DENND4A: variants seen among roughly 807,000 people sequenced by gnomAD.
DENND4A encodes DENN domain containing 4A, also known as C-myc promoter-binding protein.
A neutral mutation model predicts 199.3 loss-of-function variants in DENND4A; 70 were observed. The observed-to-expected ratio is 0.35, with a 90% confidence interval of 0.29 to 0.43. The LOEUF is 0.43. Ranked by LOEUF, DENND4A falls within the 20% of genes least tolerant of loss-of-function variation. The pLI is 1.00. For synonymous variants in DENND4A, 686 were observed against 766.9 expected, an observed-to-expected ratio of 0.89 and a Z score of 1.74; for missense variants, 1,723 against 2,255.8, an observed-to-expected ratio of 0.76 and a Z score of 4.78.
At chr15:65,718,047 T>C in intron 12 of DENND4A, 51 bp from the exon 13 acceptor site, 3 of 1,293,766 alleles carry the variant, frequency 2.3e-6, no homozygotes, top group Non-Finnish European at 3.2e-6. Flanking sequence ...AAAACACTCA[T>C]GATGGTACCA....
rs547739493 is a variant in DENND4A at position 65,695,718 on chromosome 15, T to A, written c.3082+648A>T. ...TTAACACTAAAAACTCCAAATCTTA[T>A]GTCTATTTAATCCCCTAAAAATGGT... On this transcript the variant is annotated intron_variant, in intron 22 of 32. Transcript: ENST00000443035. Among the ~76,000 whole-genome samples, 33 of 152,284 alleles carry A rather than the reference T, an allele frequency of 2.2e-4. No homozygotes were observed. The South Asian group carries it at 6.6e-3, about 31-fold the overall frequency.
intron 1 of DENND4A, among the ~76,000 whole-genome samples, chr15:65,788,812 G>A (rs894526591): frequency 4.3e-5 from 6 of 141,042 alleles, no homozygotes; most frequent in African/African-American, 8.0e-5. Flanking sequence ...CTAAGATCAC[G>A]CCACTGCACC....
chr15:65,741,745 C>T lies in DENND4A; in HGVS notation c.601G>A (p.Ala201Thr). ...TTGTAAGATACAGTGTTCGTCTTTG[C>T]CACCGATTTTTTATAACACAAGTAT... ...AVYLCYKKSVAKTNTVSYKAG... is the reference protein window; with the variant it reads ...AVYLCYKKSVTKTNTVSYKAG... The change falls in exon 5 of 33, where the codon GCA becomes ACA. Residue 201 changes from alanine to threonine, a missense_variant. By Grantham distance (58) the Ala-to-Thr change is moderately conservative (BLOSUM62 0). Coordinates refer to ENST00000443035, the MANE Select transcript of DENND4A (RefSeq NM_001320835.1). The T allele has an allele frequency of 6.2e-7, 1 of 1,612,766 alleles. No homozygotes were observed. The highest frequency in any genetic ancestry group is 8.5e-7 in the Non-Finnish European group (1 of 1,179,428).
intron 23 of DENND4A, among the ~76,000 whole-genome samples, chr15:65,685,530 T>A (rs2076746335): frequency 6.6e-6 from 1 of 152,232 alleles, no homozygotes; most frequent in South Asian, 2.1e-4. Flanking sequence ...TCCCTCAGTA[T>A]CCACAGGGGG....
chr15:65,750,899 T>C (rs944649035), intron 4 of DENND4A, among the ~76,000 whole-genome samples: 11 of 152,142 alleles, frequency 7.2e-5, no homozygotes, highest in Non-Finnish European at 1.5e-5. Context: ...CTCTTGTCTA[T>C]GCAAAGAATA....
chr15:65,700,819 C>T, intron 19 of DENND4A, 144 bp from the exon 20 acceptor site: 2 of 978,680 alleles, frequency 2.0e-6, no homozygotes, highest in Non-Finnish European at 2.9e-6. Context: ...ACAAAGAAAC[C>T]TATTGTGAGT....
intron 23 of DENND4A, among the ~76,000 whole-genome samples, chr15:65,680,236 T>C (rs2076525859): frequency 6.6e-6 from 1 of 152,252 alleles, no homozygotes; most frequent in Non-Finnish European, 1.5e-5. Context: ...TATGACTACT[T>C]TGGAGGCTAT....
At position 65,707,673 on chromosome 15, in the gene DENND4A, T is replaced by C. The variant is rs917380190; in HGVS notation, c.1954-1449A>G. Among the ~76,000 whole-genome samples, 6 of 151,720 alleles carry C rather than the reference T, an allele frequency of 4.0e-5. No individual in the cohort carries two copies. The South Asian group carries it at 8.3e-4, about 21-fold the overall frequency. The stretch of plus-strand genomic sequence containing the variant: ...ATGAGAAAAGAATCAGACTACTAAA[T>C]CGTATACATATTATGATTTTTTTTT... On this transcript the variant is annotated intron_variant, in intron 14 of 32. Coordinates refer to ENST00000443035, the MANE Select transcript of DENND4A (RefSeq NM_001320835.1).
chr15:65,729,290 C>G (rs543471548), intron 10 of DENND4A, 43 bp from the exon 11 acceptor site: 5 of 1,541,556 alleles, frequency 3.2e-6, no homozygotes, highest in Non-Finnish European at 4.4e-6. Context: ...CTTTTTAACA[C>G]TGAAGCATAA....
chr15:65,664,275 T>A (rs2075967486), intron 32 of DENND4A, 55 bp downstream of exon 32: 1 of 998,020 alleles, frequency 1.0e-6, no homozygotes. Flanking sequence ...AAAAATACTT[T>A]GAAAACTATT....
intron 11 of DENND4A, among the ~76,000 whole-genome samples, chr15:65,728,487 C>CT (rs201253758): frequency 0.063 from 8,697 of 138,452 alleles, 493 homozygotes; most frequent in African/African-American, 0.15. Flanking sequence ...TTTTCTTTTT[C>CT]TTTTTTTTTT....
intron 1 of DENND4A, 75 bp downstream of exon 1, chr15:65,791,935 C>A (rs905713489): frequency 1.3e-5 from 2 of 151,934 alleles, no homozygotes; most frequent in South Asian, 4.1e-4. Flanking sequence ...CGCTCCCGCG[C>A]CCCCGGCTGT....
chr15:65,781,687 G>C (rs560021213), intron 1 of DENND4A, among the ~76,000 whole-genome samples: 17 of 152,294 alleles, frequency 1.1e-4, no homozygotes, highest in African/African-American at 3.8e-4. Flanking sequence ...TGGACAAGAA[G>C]AGATGAAGTG....
chr15:65,756,094 A>T (rs774545449), intron 3 of DENND4A, 46 bp downstream of exon 3: 19 of 1,457,938 alleles, frequency 1.3e-5, no homozygotes, highest in Non-Finnish European at 1.6e-5. Flanking sequence ...TCTACAAGGC[A>T]TATTATTTGG....
intron 23 of DENND4A, among the ~76,000 whole-genome samples, chr15:65,685,556 A>G (rs1034170624): frequency 1.3e-5 from 2 of 152,238 alleles, no homozygotes; most frequent in African/African-American, 4.8e-5. Flanking sequence ...ATTTGCACAT[A>G]ACCTATGCAC....
chr15:65,732,668 T>C, intron 8 of DENND4A, 84 bp downstream of exon 8: 2 of 818,008 alleles, frequency 2.4e-6, no homozygotes, highest in Non-Finnish European at 3.9e-6. Context: ...TTTTTCCTCA[T>C]TCAGAATTGT....
chr15:65,748,621 C>T (rs1265246033), intron 4 of DENND4A, among the ~76,000 whole-genome samples: 1 of 128,430 alleles, frequency 7.8e-6, no homozygotes, highest in Non-Finnish European at 1.6e-5. Flanking sequence ...GATCCTGTCT[C>T]TAAAAAAAAA....
At position 65,669,816 on chromosome 15, in the gene DENND4A, A is replaced by C. The variant is rs1487221617; in HGVS notation, c.4750T>G (p.Ser1584Ala). 6.2e-7 allele frequency: 1 copy of C among 1,613,786 alleles called. No individual in the cohort carries two copies. The highest frequency in any genetic ancestry group is 1.3e-5 in the African/African-American group (1 of 75,050). The change falls in exon 27 of 33, where the codon TCT (serine) becomes GCT (alanine). Residue 1584 changes from serine to alanine, a missense_variant. Ser to Ala is a moderately conservative substitution (Grantham distance 99). Around this residue, in one of 6 missense-constraint regions of DENND4A, gnomAD observed 141 missense variants for 170.7 expected, o/e 0.83. Transcript: ENST00000443035. ...ISTSASGLDT[S>A]ALSVQGNFDL... ...AAATTCCCTTGAACAGAGAGAGCAGATGTGTCAAGACCAGAGGCTGATGTT... is the reference window on the plus strand; with the variant it reads ...AAATTCCCTTGAACAGAGAGAGCAGCTGTGTCAAGACCAGAGGCTGATGTT...
intron 24 of DENND4A, 131 bp downstream of exon 24, chr15:65,676,314 T>C (rs2076382555): frequency 5.1e-6 from 4 of 789,598 alleles, no homozygotes; most frequent in Non-Finnish European, 7.2e-6. Flanking sequence ...TTTATTGTTT[T>C]GACTTTGGAA....
Sources: gnomAD v4.1 joint callset for allele counts (sites outside exome capture counted in the v4.1 genomes callset) on GRCh38, gnomAD v4.1.1 for gene constraint, gnomAD v4.1.1 regional missense constraint, MANE v1.5 for transcripts, NCBI Gene and HGNC (gene_info 2026-07-23, HGNC 2026-07-21) for gene names.